Variants in CNBD1 observed in about 807,000 individuals in gnomAD.
CNBD1 encodes the protein cyclic nucleotide-binding domain-containing protein 1.
CNBD1 carries 71 observed loss-of-function variants against 54.4 expected under a neutral mutation model. The observed-to-expected ratio is 1.30, with a 90% CI of 1.08 to 1.59. The LOEUF is 1.59. Among genes scored for constraint, CNBD1 ranks in the 40% most tolerant of loss-of-function variants. The probability of loss-of-function intolerance (pLI) is 0.00; values close to 1 mark genes in which losing one functional copy is unlikely to be tolerated. For synonymous variants in CNBD1, 182 were observed against 170.7 expected (o/e 1.07, Z -0.51); for missense variants, 659 against 518.0 (o/e 1.27, Z -2.64).
intron 5 of CNBD1, among the ~76,000 whole-genome samples, chr8:87,235,522 G>C (rs1286110865): frequency 1.3e-5 from 2 of 152,190 alleles, no homozygotes; most frequent in South Asian, 4.1e-4. Context: ...GACAGGGAGA[G>C]AGATGGGGAA....
At chr8:86,998,210 T>G (rs532679001) in intron 4 of CNBD1, among the ~76,000 whole-genome samples, 4 of 122,494 alleles carry the variant, frequency 3.3e-5, no homozygotes, top group African/African-American at 1.1e-4. Context: ...TGTGTTTCTG[T>G]TTTTTTTTTT....
chr8:87,208,846 C>T (rs78098896), intron 5 of CNBD1, among the ~76,000 whole-genome samples: 1,772 of 152,106 alleles, frequency 0.012, 21 homozygotes, highest in Non-Finnish European at 0.019. Context: ...TCAAAAACTC[C>T]GTAATTCCTC....
At chr8:87,209,508 A>G (rs1253277448) in intron 5 of CNBD1, among the ~76,000 whole-genome samples, 1 of 152,138 alleles carries the variant, frequency 6.6e-6, no homozygotes, top group African/African-American at 2.4e-5. Context: ...AATATTGATA[A>G]AAGAAATTGA....
chr8:87,005,975 A>G (rs2130552416), intron 4 of CNBD1, among the ~76,000 whole-genome samples: 1 of 152,308 alleles, frequency 6.6e-6, no homozygotes, highest in South Asian at 2.1e-4. Context: ...CAGGGGGCAG[A>G]GAAAGGATTT....
chr8:87,383,231 A>G (rs1026048953), downstream of CNBD1, among the ~76,000 whole-genome samples: 3 of 152,102 alleles, frequency 2.0e-5, no homozygotes, highest in African/African-American at 4.8e-5. Context: ...AAAAATAACA[A>G]TAGAAATGCT....
At chr8:87,045,977 G>T (rs1350793092) in intron 4 of CNBD1, among the ~76,000 whole-genome samples, 1 of 146,588 alleles carries the variant, frequency 6.8e-6, no homozygotes, top group Non-Finnish European at 1.5e-5. Context: ...GGGGGCGGAG[G>T]TTGCAGTGAG....
chr8:87,109,516 G>A (rs1268819016), intron 4 of CNBD1, among the ~76,000 whole-genome samples: 2 of 144,246 alleles, frequency 1.4e-5, no homozygotes, highest in Admixed American at 7.1e-5. Context: ...AAAAGTCAGG[G>A]TTTGTTTCTT....
At chr8:87,376,676 G>A (rs1412276752) in intron 10 of CNBD1, among the ~76,000 whole-genome samples, 8 of 151,898 alleles carry the variant, frequency 5.3e-5, no homozygotes, top group Admixed American at 3.9e-4. Flanking sequence ...CTATATTAAA[G>A]TGTTTTTCTG....
At chr8:87,273,110 A>G (rs540395348) in intron 6 of CNBD1, among the ~76,000 whole-genome samples, 44 of 152,088 alleles carry the variant, frequency 2.9e-4, no homozygotes, top group African/African-American at 1.0e-3. Context: ...TAAAATTTCA[A>G]ATAATAGTAG....
At chr8:87,226,875 G>A (rs1178170455) in intron 5 of CNBD1, among the ~76,000 whole-genome samples, 3 of 151,346 alleles carry the variant, frequency 2.0e-5, no homozygotes, top group South Asian at 4.1e-4. Context: ...GTGGGAATCT[G>A]AGTCTCTTTG....
Position 87,255,998 on chromosome 8 carries a change from TATATATATATATATATA to T in CNBD1, c.771+18887_771+18903del, listed in dbSNP as rs1188246566. On this transcript the variant is annotated intron_variant, in intron 6 of 10. Transcript: ENST00000518476. ...ATATATATATATATATATATATATA[TATATATATATATATATA>T]TTTTTTTTTTTTTTTTTTTTTTTTT... Among the ~76,000 whole-genome samples, 71 of 15,790 alleles carry T rather than the reference TATATATATATATATATA, an allele frequency of 4.5e-3. 1 individual carries two copies. The highest frequency in any genetic ancestry group is 0.015 in the African/African-American group (49 of 3,334). 10.4% of individuals were successfully genotyped at this position (15,790 alleles called of 152,430 possible).
At chr8:86,977,809 T>C (rs1166860467) in intron 4 of CNBD1, among the ~76,000 whole-genome samples, 1 of 152,052 alleles carries the variant, frequency 6.6e-6, no homozygotes, top group African/African-American at 2.4e-5. Context: ...TACCAAACAT[T>C]TGAAGAACTA....
chr8:87,027,568 C>T (rs1254170103), intron 4 of CNBD1, among the ~76,000 whole-genome samples: 1 of 152,176 alleles, frequency 6.6e-6, no homozygotes, highest in Admixed American at 6.5e-5. Flanking sequence ...CCGTGCCTGG[C>T]CTGGCAGTTT....
intron 3 of CNBD1, among the ~76,000 whole-genome samples, chr8:86,919,805 G>C (rs1410910519): frequency 1.3e-5 from 2 of 152,140 alleles, no homozygotes; most frequent in Non-Finnish European, 1.5e-5. Flanking sequence ...ATAAACTTCA[G>C]ATTAGTGTTT....
At chr8:87,168,717 C>T (rs866849819) in intron 4 of CNBD1, among the ~76,000 whole-genome samples, 1 of 152,022 alleles carries the variant, frequency 6.6e-6, no homozygotes, top group Non-Finnish European at 1.5e-5. Flanking sequence ...TTTCACTTAA[C>T]ATAATGACCT....
intron 8 of CNBD1, among the ~76,000 whole-genome samples, chr8:87,294,485 A>T (rs541603330): frequency 4.7e-4 from 71 of 152,248 alleles, no homozygotes; most frequent in Admixed American, 3.1e-3. Flanking sequence ...GCAGCATTAG[A>T]ACACACATTT....
At chr8:86,872,513 C>T (rs1261543444) in intron 1 of CNBD1, among the ~76,000 whole-genome samples, 3 of 152,120 alleles carry the variant, frequency 2.0e-5, no homozygotes, top group Non-Finnish European at 4.4e-5. Context: ...TTTCATACTG[C>T]TTTCCAAAAT....
rs145176020 is a variant in CNBD1, at chr8:87,251,309, G to A, written c.771+14197G>A. Among the ~76,000 whole-genome samples, 476 of 152,146 alleles carry A rather than the reference G, an allele frequency of 3.1e-3. 2 individuals carry two copies. Among genetic ancestry groups the A allele is most frequent in the African/African-American group, 0.011 (444 of 41,532 alleles). On this transcript the variant is annotated intron_variant, in intron 6 of 10. Transcript: ENST00000518476. ...TTTCTTAGAAATTGGATTGAGGCCT[G>A]GGTGCATTGGCTTATGCCTGTAATC...
At chr8:87,317,067 A>C (rs1334319581) in intron 8 of CNBD1, among the ~76,000 whole-genome samples, 1 of 151,768 alleles carries the variant, frequency 6.6e-6, no homozygotes, top group African/African-American at 2.4e-5. Context: ...TACTTATCTC[A>C]GAGGGTTGTT....
Sources: gnomAD v4.1 joint callset for allele counts (sites outside exome capture counted in the v4.1 genomes callset) on GRCh38, gnomAD v4.1.1 for gene constraint, MANE v1.5 for transcripts, NCBI Gene and HGNC (gene_info 2026-07-23, HGNC 2026-07-21) for gene names.